Variants in PCDHA1 observed in about 807,000 individuals in gnomAD.
PCDHA1 encodes protocadherin alpha-1.
PCDHA1 carries 42 observed loss-of-function variants against 61.3 expected under a neutral mutation model. The ratio of observed to expected loss-of-function variants is 0.69; its 90% CI spans 0.54 to 0.89. The LOEUF (loss-of-function observed/expected upper bound fraction) is 0.89. PCDHA1 is among the 40% of genes least tolerant of loss of function. The probability of loss-of-function intolerance (pLI) is 0.00; values close to 1 mark genes in which losing one functional copy is unlikely to be tolerated. For synonymous variants in PCDHA1, 610 were observed against 553.8 expected, an observed-to-expected ratio of 1.10 and a Z score of -1.43; for missense variants, 1,256 against 1,235.3, an observed-to-expected ratio of 1.02 and a Z score of -0.25.
At position 140,842,810 on chromosome 5, in the gene PCDHA1, C is replaced by A. The variant is rs1346749991; in HGVS notation, c.2394+54126C>A. The A allele has an allele frequency of 1.9e-6, 3 of 1,594,008 alleles. 1 individual carries two copies. Among genetic ancestry groups the A allele is most frequent in the Non-Finnish European group, 2.6e-6 (3 of 1,165,400 alleles). ...GCTGGTGTCCTACTCGCTTGTGGAG[C>A]GGCGGGTGGGCGAGCGCTCGCTGTC... On this transcript the variant is annotated intron_variant, in intron 1 of 3. Transcript: ENST00000504120.
chr5:140,900,380 C>T (rs554914375), intron 1 of PCDHA1, among the ~76,000 whole-genome samples: 2 of 152,208 alleles, frequency 1.3e-5, no homozygotes, highest in Admixed American at 6.5e-5. Flanking sequence ...TGGGTTCAAG[C>T]GATTCTCCTG....
chr5:140,870,954 G>A, intron 1 of PCDHA1: 1 of 1,613,632 alleles, frequency 6.2e-7, no homozygotes, highest in Non-Finnish European at 8.5e-7. Flanking sequence ...CGGGCGGCTC[G>A]CGCATCCCGT....
chr5:140,951,889 G>A (rs2094649080), intron 1 of PCDHA1, among the ~76,000 whole-genome samples: 1 of 152,142 alleles, frequency 6.6e-6, no homozygotes, highest in Non-Finnish European at 1.5e-5. Flanking sequence ...ACTCTCTTCT[G>A]CCTATGAGCC....
intron 1 of PCDHA1, among the ~76,000 whole-genome samples, chr5:140,962,176 C>T (rs1554225858): frequency 6.6e-6 from 1 of 152,104 alleles, no homozygotes; most frequent in Admixed American, 6.6e-5. Flanking sequence ...CACCCGGCCA[C>T]TTATATCACT....
intron 1 of PCDHA1, chr5:140,862,267 A>G (rs968907254): frequency 8.7e-6 from 2 of 230,002 alleles, no homozygotes; most frequent in African/African-American, 4.5e-5. Flanking sequence ...GCAGTAAGTC[A>G]CTATCATTCC....
At position 140,883,630 on chromosome 5, in the gene PCDHA1, G is replaced by A. The variant is rs1424400219; in HGVS notation, c.2394+94946G>A. Reference sequence around the variant, plus strand: ...CCGACGTGAACGACAACGCGCCGGCGTTCGCGCAGCCCGAGTACACGGTGT... The same window carrying A: ...CCGACGTGAACGACAACGCGCCGGCATTCGCGCAGCCCGAGTACACGGTGT... On this transcript the variant is annotated intron_variant, in intron 1 of 3. Coordinates refer to ENST00000504120, the MANE Select transcript of PCDHA1 (RefSeq NM_018900.4). 3 of 1,613,848 alleles carry A rather than the reference G, an allele frequency of 1.9e-6. No individual in the cohort carries two copies. In the African/African-American group the frequency reaches 4.0e-5, roughly 22 times the overall value.
intron 1 of PCDHA1, chr5:140,843,383 G>A (rs1778840554): frequency 6.3e-7 from 1 of 1,596,120 alleles, no homozygotes; most frequent in South Asian, 1.1e-5. Context: ...TGGCGTTTTG[G>A]GTCCGGAAGC....
chr5:141,000,603 T>C (rs1237883625), intron 3 of PCDHA1, among the ~76,000 whole-genome samples: 1 of 150,986 alleles, frequency 6.6e-6, no homozygotes, highest in Admixed American at 6.6e-5. Flanking sequence ...AATTTTTGTA[T>C]TTTTAGTAGA....
intron 1 of PCDHA1, among the ~76,000 whole-genome samples, chr5:140,916,018 T>C (rs550604062): frequency 6.6e-6 from 1 of 152,254 alleles, no homozygotes; most frequent in East Asian, 1.9e-4. Flanking sequence ...ACAAAGTCTT[T>C]CCCATTCTTC....
At chr5:140,978,839 CT>C in intron 1 of PCDHA1, 109 bp from the exon 2 acceptor site, 3 of 1,556,998 alleles carry the variant, frequency 1.9e-6, no homozygotes, top group Non-Finnish European at 2.6e-6. Context: ...TCATTCAATA[CT>C]TTTTTAGATG....
At chr5:140,931,189 C>A (rs2087353658) in intron 1 of PCDHA1, among the ~76,000 whole-genome samples, 1 of 152,112 alleles carries the variant, frequency 6.6e-6, no homozygotes, top group Non-Finnish European at 1.5e-5. Flanking sequence ...GAAATTGGTG[C>A]ACTACAATGC....
chr5:140,907,164 G>T (rs1554192895), intron 1 of PCDHA1, among the ~76,000 whole-genome samples: 2 of 152,098 alleles, frequency 1.3e-5, no homozygotes, highest in Non-Finnish European at 2.9e-5. Context: ...ACCATATATT[G>T]GATGCTGATT....
At chr5:140,824,389 T>C (rs1768104531) in intron 1 of PCDHA1, 2 of 557,508 alleles carry the variant, frequency 3.6e-6, no homozygotes, top group African/African-American at 3.8e-5. Flanking sequence ...TCTAAAAATG[T>C]AGGATAATAA....
intron 1 of PCDHA1, chr5:140,807,545 G>C: frequency 6.2e-7 from 1 of 1,614,188 alleles, no homozygotes; most frequent in Non-Finnish European, 8.5e-7. Flanking sequence ...TTTCCATGTG[G>C]ACGTGGAGGT....
chr5:140,787,725 G>C lies in PCDHA1; in HGVS notation c.1435G>C (p.Ala479Pro), dbSNP rs1554117959. 6.2e-7 allele frequency: 1 copy of C among 1,613,714 alleles called. No homozygotes were observed. Among genetic ancestry groups the C allele is most frequent in the East Asian group, 2.2e-5 (1 of 44,868 alleles). The change falls in exon 1 of 4, where the codon GCG becomes CCG. Residue 479 changes from alanine (A) to proline (P), a missense_variant. Ala to Pro is a conservative substitution (Grantham distance 27). Coordinates refer to ENST00000504120, the MANE Select transcript of PCDHA1 (RefSeq NM_018900.4). ...GGGCTGCCACATCTTCACGGTGTCTGCGCGGGACGCGGACGCGCAGGAGAA... is the reference window on the plus strand; with the variant it reads ...GGGCTGCCACATCTTCACGGTGTCTCCGCGGGACGCGGACGCGCAGGAGAA... Reference protein sequence around the residue: ...PPGCHIFTVSARDADAQENAL... With the variant: ...PPGCHIFTVSPRDADAQENAL...
intron 1 of PCDHA1, among the ~76,000 whole-genome samples, chr5:140,891,954 G>C (rs782159289): frequency 4.6e-5 from 7 of 152,318 alleles, no homozygotes; most frequent in Admixed American, 6.5e-5. Flanking sequence ...CTCCAGAATT[G>C]TGAGAAGTAA....
intron 3 of PCDHA1, among the ~76,000 whole-genome samples, chr5:141,009,289 T>C (rs1474871800): frequency 1.4e-4 from 22 of 152,136 alleles, no homozygotes; most frequent in African/African-American, 5.1e-4. Context: ...ATCCCATTTC[T>C]ATAAAATTTT....
intron 1 of PCDHA1, among the ~76,000 whole-genome samples, chr5:140,873,700 A>G (rs1411262715): frequency 3.3e-5 from 5 of 152,202 alleles, no homozygotes; most frequent in African/African-American, 1.2e-4. Flanking sequence ...TTGCTCTATC[A>G]CCCAGGCTGG....
At chr5:140,864,608 T>C (rs1180007033) in intron 1 of PCDHA1, 3 of 152,188 alleles carry the variant, frequency 2.0e-5, no homozygotes, top group Non-Finnish European at 4.4e-5. Context: ...GCCAACAACT[T>C]TGTTCTTTTT....
Sources: allele counts gnomAD v4.1 joint callset (sites outside exome capture counted in the v4.1 genomes callset), GRCh38; gene constraint gnomAD v4.1.1; transcripts MANE v1.5; gene names NCBI Gene and HGNC (gene_info 2026-07-23, HGNC 2026-07-21).